Variants in VEPH1 observed in about 807,000 individuals in gnomAD.
The protein encoded by VEPH1 is ventricular zone-expressed PH domain-containing protein homolog 1.
A neutral mutation model predicts 85.2 loss-of-function variants in VEPH1; 80 were observed. The ratio of observed to expected loss-of-function variants is 0.94; its 90% CI spans 0.78 to 1.13. VEPH1 has a LOEUF of 1.13. Among genes scored for constraint, VEPH1 ranks in the 50% most tolerant of loss-of-function variants. The pLI is 0.00. For synonymous variants in VEPH1, 297 were observed against 348.0 expected, an observed-to-expected ratio of 0.85 and a Z score of 1.63; for missense variants, 955 against 980.5, an observed-to-expected ratio of 0.97 and a Z score of 0.35.
rs574645698 is a variant in VEPH1 at position 157,263,729 on chromosome 3, T to C, written c.2265+1797A>G. Among the ~76,000 whole-genome samples, 7 of 152,324 alleles carry C rather than the reference T, an allele frequency of 4.6e-5. No homozygotes were observed. The South Asian group carries it at 8.3e-4, about 18-fold the overall frequency. On this transcript the variant is annotated intron_variant, in intron 13 of 13. Transcript: ENST00000362010. Reference sequence around the variant, plus strand: ...TAGGTATCACAAAAAATATTCTTTTTCATTCAAAAAGTTAACAGAAGTCTT... The same window carrying C: ...TAGGTATCACAAAAAATATTCTTTTCCATTCAAAAAGTTAACAGAAGTCTT...
intron 9 of VEPH1, among the ~76,000 whole-genome samples, chr3:157,323,866 G>T (rs550950169): frequency 1.9e-4 from 29 of 152,270 alleles, no homozygotes; most frequent in Admixed American, 3.3e-4. Flanking sequence ...GGTCTGTAAA[G>T]TTATAGATCA....
chr3:157,365,766 G>T (rs1047947099), intron 7 of VEPH1, among the ~76,000 whole-genome samples: 2 of 152,144 alleles, frequency 1.3e-5, no homozygotes, highest in African/African-American at 4.8e-5. Flanking sequence ...CATAGGGCAA[G>T]GTATGGGAGA....
chr3:157,430,385 C>A (rs1335713207), intron 4 of VEPH1, among the ~76,000 whole-genome samples: 1 of 152,232 alleles, frequency 6.6e-6, no homozygotes. Context: ...GGAGTTATAT[C>A]TCCAAGAAGC....
At chr3:157,463,747 C>A (rs941540366) in intron 3 of VEPH1, among the ~76,000 whole-genome samples, 2 of 152,172 alleles carry the variant, frequency 1.3e-5, no homozygotes, top group African/African-American at 4.8e-5. Context: ...CACTCAACCC[C>A]AGTGAGAGGC....
chr3:157,271,551 G>A lies in VEPH1; in HGVS notation c.2129-5889C>T, dbSNP rs147297566. Reference sequence around the variant, plus strand: ...GTGGGAGACCTGTATGGAGAGCACCGTTTGATAACAGCTGTGGCCTGGAAT... The same window carrying A: ...GTGGGAGACCTGTATGGAGAGCACCATTTGATAACAGCTGTGGCCTGGAAT... On this transcript the variant is annotated intron_variant, in intron 12 of 13. Coordinates refer to ENST00000362010, the MANE Select transcript of VEPH1 (RefSeq NM_001167912.2). Among the ~76,000 whole-genome samples, 1,008 of 152,264 alleles carry A rather than the reference G, an allele frequency of 6.6e-3. 8 individuals are homozygous for A. Among genetic ancestry groups the A allele is most frequent in the Non-Finnish European group, 6.4e-3 (435 of 68,018 alleles).
chr3:157,470,308 ACATAC>A lies in VEPH1; in HGVS notation c.354+1_354+5del. The A allele has an allele frequency of 6.2e-7, 1 of 1,613,898 alleles. No homozygotes were observed. The highest frequency in any genetic ancestry group is 1.1e-5 in the South Asian group (1 of 91,066). Reference sequence around the variant, plus strand: ...TCAAATAGCCTGATGTTGAACACTGACATACCTGTAAAATGCAACTCATGATATCA... The same window carrying A: ...TCAAATAGCCTGATGTTGAACACTGACTGTAAAATGCAACTCATGATATCA... On this transcript the variant is annotated splice_donor_variant and splice_donor_5th_base_variant and intron_variant, in intron 3 of 13. Coordinates refer to ENST00000362010, the MANE Select transcript of VEPH1 (RefSeq NM_001167912.2). LOFTEE classifies it high-confidence loss of function.
chr3:157,413,822 T>C, intron 6 of VEPH1, 59 bp downstream of exon 6: 1 of 1,554,130 alleles, frequency 6.4e-7, no homozygotes, highest in Non-Finnish European at 8.8e-7. Flanking sequence ...ACCTATTAAA[T>C]AGGTTGGATT....
intron 12 of VEPH1, among the ~76,000 whole-genome samples, chr3:157,282,180 A>G (rs761869664): frequency 2.0e-5 from 3 of 152,006 alleles, no homozygotes; most frequent in Admixed American, 6.6e-5. Context: ...TTTTATTCAT[A>G]TTTATTTATT....
At chr3:157,463,767 T>C (rs990199507) in intron 3 of VEPH1, among the ~76,000 whole-genome samples, 4 of 152,112 alleles carry the variant, frequency 2.6e-5, no homozygotes, top group Non-Finnish European at 4.4e-5. Context: ...CTTTCATAGG[T>C]CAGACTTAGG....
At chr3:157,287,668 G>A (rs1044931489) in intron 11 of VEPH1, among the ~76,000 whole-genome samples, 6 of 151,938 alleles carry the variant, frequency 3.9e-5, no homozygotes, top group African/African-American at 1.5e-4. Flanking sequence ...GGGTTCAAGT[G>A]ATTCTCGTGT....
Position 157,413,872 on chromosome 3 carries a change from C to G in VEPH1, c.906+9G>C. 2 of 1,611,872 alleles carry G rather than the reference C, an allele frequency of 1.2e-6. No individual in the cohort carries two copies. The highest frequency in any genetic ancestry group is 1.7e-6 in the Non-Finnish European group (2 of 1,178,558). ...TTCAGGGGAATGGAGAGAAAAAAGC[C>G]AAACTTACTTCATCCACATGCCCAA... On this transcript the variant is annotated intron_variant, in intron 6 of 13. Coordinates refer to ENST00000362010, the MANE Select transcript of VEPH1 (RefSeq NM_001167912.2).
intron 7 of VEPH1, 120 bp from the exon 8 acceptor site, chr3:157,364,632 T>A (rs1046794144): frequency 2.1e-6 from 2 of 944,718 alleles, no homozygotes; most frequent in East Asian, 5.1e-5. Flanking sequence ...ATTTTTTTCA[T>A]TGGTCATTTA....
At chr3:157,422,878 C>T (rs1031004546) in intron 5 of VEPH1, among the ~76,000 whole-genome samples, 7 of 152,144 alleles carry the variant, frequency 4.6e-5, no homozygotes, top group African/African-American at 1.7e-4. Context: ...ATGCAATCCA[C>T]AATAAATGAC....
intron 4 of VEPH1, among the ~76,000 whole-genome samples, chr3:157,455,947 A>G (rs1287034971): frequency 1.3e-5 from 2 of 152,184 alleles, no homozygotes; most frequent in African/African-American, 2.4e-5. Flanking sequence ...ATACCCAGTA[A>G]TGGGATTGCT....
chr3:157,458,963 T>G (rs956432218), intron 4 of VEPH1, among the ~76,000 whole-genome samples: 3 of 152,320 alleles, frequency 2.0e-5, no homozygotes, highest in Middle Eastern at 3.4e-3. Context: ...GGGTTCTCTA[T>G]TCTGTTCTAC....
At chr3:157,467,756 C>T (rs1009872) in intron 3 of VEPH1, among the ~76,000 whole-genome samples, 21,931 of 152,176 alleles carry the variant, frequency 0.14, 1,992 homozygotes, top group African/African-American at 0.24. Flanking sequence ...TAGACTTACC[C>T]ACTTCTCTGC....
chr3:157,429,232 T>C (rs1210316658), intron 4 of VEPH1, among the ~76,000 whole-genome samples: 1 of 152,228 alleles, frequency 6.6e-6, no homozygotes, highest in African/African-American at 2.4e-5. Context: ...TCCTCACAAG[T>C]ACTTAAATGT....
intron 5 of VEPH1, 118 bp from the exon 6 acceptor site, chr3:157,414,208 C>T (rs2109036133): frequency 4.3e-6 from 3 of 701,618 alleles, no homozygotes; most frequent in Non-Finnish European, 7.1e-6. Context: ...TCAACACATT[C>T]TGGGATTATT....
At chr3:157,373,765 A>G (rs1727773215) in intron 7 of VEPH1, among the ~76,000 whole-genome samples, 1 of 152,126 alleles carries the variant, frequency 6.6e-6, no homozygotes, top group African/African-American at 2.4e-5. Context: ...CCTCATGAAA[A>G]GCTTTCTTTT....
Sources: gnomAD v4.1 joint callset for allele counts (sites outside exome capture counted in the v4.1 genomes callset) on GRCh38, gnomAD v4.1.1 for gene constraint, MANE v1.5 for transcripts, NCBI Gene and HGNC (gene_info 2026-07-23, HGNC 2026-07-21) for gene names.